LPIN1: variants seen among roughly 807,000 people sequenced by gnomAD.
LPIN1 encodes lipin 1.
A neutral mutation model predicts 107.5 loss-of-function variants in LPIN1; 71 were observed. The observed-to-expected ratio is 0.66, with a 90% CI of 0.55 to 0.80. The LOEUF is 0.80. Among genes scored for constraint, LPIN1 ranks in the 30% least tolerant of loss-of-function variants. The probability of loss-of-function intolerance (pLI) is 0.00; values close to 1 mark genes in which losing one functional copy is unlikely to be tolerated. For missense variants in LPIN1, 1,043 were observed against 1,160.6 expected, an observed-to-expected ratio of 0.90 and a Z score of 1.47; for synonymous variants, 445 against 452.6, an observed-to-expected ratio of 0.98 and a Z score of 0.21.
chr2:11,795,492 G>A lies in LPIN1; in HGVS notation c.1886+5G>A, dbSNP rs201689636. ...GCAGCTCAGCTTGGCCACCAGGTGCGGTAGGAGGCTTCTTGGGATGTTTGC... is the reference window on the plus strand; with the variant it reads ...GCAGCTCAGCTTGGCCACCAGGTGCAGTAGGAGGCTTCTTGGGATGTTTGC... On this transcript the variant is annotated splice_donor_5th_base_variant and intron_variant, in intron 14 of 20. Coordinates refer to ENST00000674199, the MANE Select transcript of LPIN1 (RefSeq NM_001349206.2). 1.5e-5 allele frequency: 25 copies of A among 1,613,714 alleles called. No homozygotes were observed. Among genetic ancestry groups the A allele is most frequent in the East Asian group, 6.7e-5 (3 of 44,872 alleles).
chr2:11,798,895 T>C (rs1677192076), intron 14 of LPIN1, among the ~76,000 whole-genome samples: 1 of 152,166 alleles, frequency 6.6e-6, no homozygotes, highest in African/African-American at 2.4e-5. Flanking sequence ...TAAAATAGCG[T>C]TTGAAAAACG....
intron 1 of LPIN1, among the ~76,000 whole-genome samples, chr2:11,693,800 A>G (rs6741545): frequency 8.6e-3 from 159 of 18,564 alleles, no homozygotes; most frequent in African/African-American, 0.018. Context: ...ATATATATAT[A>G]TATATATATA....
At chr2:11,764,831 T>C (rs1670526048) in intron 1 of LPIN1, among the ~76,000 whole-genome samples, 1 of 152,248 alleles carries the variant, frequency 6.6e-6, no homozygotes, top group Admixed American at 6.5e-5. Context: ...GTGCAAAACC[T>C]GTCCATCATG....
In LPIN1 at chr2:11,746,698, C is replaced by T. The variant is rs1005575623; in HGVS notation, c.-10+27C>T. ...TGAGTAGCCGCCGCCTCCAGCCTCC[C>T]GCTGTGGAGCAGGGGCCGCAGCCTC... On this transcript the variant is annotated intron_variant, in intron 1 of 20. Transcript: ENST00000674199. The T allele has an allele frequency of 9.2e-6, 9 of 980,202 alleles. No individual in the cohort carries two copies. In the African/African-American group the frequency reaches 1.6e-4, roughly 17 times the overall value. The allele number at this position is 980,202 out of a possible 1,614,324, so 60.7% of individuals were successfully genotyped here. A position where few individuals can be genotyped will look rare whatever the true frequency, so the allele number is the denominator to read the frequency against.
intron 1 of LPIN1, chr2:11,683,077 G>A (rs1400339972): frequency 1.3e-5 from 2 of 152,186 alleles, no homozygotes; most frequent in South Asian, 2.1e-4. Flanking sequence ...AGTGTCTAAA[G>A]CAAGGCCTTC....
chr2:11,728,287 G>A (rs886957806), intron 1 of LPIN1, among the ~76,000 whole-genome samples: 6 of 152,162 alleles, frequency 3.9e-5, no homozygotes, highest in African/African-American at 2.4e-5. Context: ...GCTGGGTCTC[G>A]CTTTTTTATC....
chr2:11,781,796 C>T (rs1485391035), intron 7 of LPIN1, among the ~76,000 whole-genome samples: 1 of 152,230 alleles, frequency 6.6e-6, no homozygotes, highest in African/African-American at 2.4e-5. Flanking sequence ...GACCCCTCTG[C>T]TCCCTGCAAG....
At chr2:11,784,439 G>T in intron 9 of LPIN1, 1 of 1,113,742 alleles carries the variant, frequency 9.0e-7, no homozygotes, top group Non-Finnish European at 1.1e-6. Context: ...GCGCAGCACC[G>T]GGCTGCCCTC....
rs1275091794 is a variant in LPIN1 at position 11,786,456 on chromosome 2, G to A, written c.1550-618G>A. 6.6e-6 allele frequency among the ~76,000 whole-genome samples: 1 copy of A among 152,106 alleles called. No individual in the cohort carries two copies. The highest frequency in any genetic ancestry group is 1.5e-5 in the Non-Finnish European group (1 of 68,008). On this transcript the variant is annotated intron_variant, in intron 10 of 20. Coordinates refer to ENST00000674199, the MANE Select transcript of LPIN1 (RefSeq NM_001349206.2). The surrounding 1 kb of genome is among the most constrained non-coding windows in gnomAD (Gnocchi z 4.1). ...CAAAGAACTGAGGGTCCGGGGCTGAGGTCTGGGCCTCCTGACCCTGCCACC... is the reference window on the plus strand; with the variant it reads ...CAAAGAACTGAGGGTCCGGGGCTGAAGTCTGGGCCTCCTGACCCTGCCACC...
In LPIN1 at chr2:11,770,179, C is replaced by T. The variant is rs551055861; in HGVS notation, c.289-1193C>T. On this transcript the variant is annotated intron_variant, in intron 3 of 20. Coordinates refer to ENST00000674199, the MANE Select transcript of LPIN1 (RefSeq NM_001349206.2). Reference sequence around the variant, plus strand: ...TGGCTTTAGATAGATTTTTGGCCATCGGAGCTGAGGAAGCATTTTGGGCCA... The same window carrying T: ...TGGCTTTAGATAGATTTTTGGCCATTGGAGCTGAGGAAGCATTTTGGGCCA... 6.6e-5 allele frequency among the ~76,000 whole-genome samples: 10 copies of T among 152,316 alleles called. No individual in the cohort carries two copies. The South Asian group carries it at 1.9e-3, about 28-fold the overall frequency.
exon 1 of LPIN1, chr2:11,677,698 C>T: frequency 6.5e-7 from 1 of 1,535,764 alleles, no homozygotes; most frequent in South Asian, 1.2e-5. Context: ...CCTCGCAGGG[C>T]AAGAGCTCCC....
chr2:11,744,555 C>G (rs969257583), upstream of LPIN1, among the ~76,000 whole-genome samples: 3 of 152,178 alleles, frequency 2.0e-5, no homozygotes, highest in African/African-American at 4.8e-5. Context: ...CGTGCTGGGC[C>G]CCCCAGCTCA....
intron 18 of LPIN1, chr2:11,818,776 A>G (rs1681024319): frequency 6.6e-6 from 1 of 152,120 alleles, no homozygotes; most frequent in Non-Finnish European, 1.5e-5. Context: ...AGGTTTTTTT[A>G]GTATTCCCTT....
At chr2:11,700,486 T>G (rs1011612829) in intron 1 of LPIN1, among the ~76,000 whole-genome samples, 2 of 152,146 alleles carry the variant, frequency 1.3e-5, no homozygotes, top group African/African-American at 4.8e-5. Context: ...TCTCTCTCTC[T>G]CGCTCTCATT....
chr2:11,706,113 C>T (rs759507100), intron 1 of LPIN1, among the ~76,000 whole-genome samples: 27 of 152,314 alleles, frequency 1.8e-4, no homozygotes, highest in Middle Eastern at 6.8e-3. Flanking sequence ...TGAGGCCTCC[C>T]CAGCCATGTG....
intron 17 of LPIN1, among the ~76,000 whole-genome samples, chr2:11,808,247 G>A (rs1283566462): frequency 6.6e-6 from 1 of 152,114 alleles, no homozygotes; most frequent in Admixed American, 6.5e-5. Flanking sequence ...GTCTGGACAC[G>A]ATGGCAGCCT....
At chr2:11,690,579 G>T (rs62116207) in intron 1 of LPIN1, among the ~76,000 whole-genome samples, 1 of 151,860 alleles carries the variant, frequency 6.6e-6, no homozygotes, top group Non-Finnish European at 1.5e-5. Flanking sequence ...TTTCTGGCAC[G>T]ATTAGACACA....
chr2:11,717,196 G>A (rs940152602), intron 2 of LPIN1, among the ~76,000 whole-genome samples: 6 of 152,172 alleles, frequency 3.9e-5, no homozygotes, highest in East Asian at 1.9e-4. Flanking sequence ...AATGAAGGCC[G>A]CAGTCTCCTG....
Position 11,750,178 on chromosome 2 carries a change from C to T in LPIN1, c.-10+3507C>T, listed in dbSNP as rs1390133123. Among the ~76,000 whole-genome samples the T allele has an allele frequency of 2.0e-5, 3 of 152,290 alleles. No homozygotes were observed. In the South Asian group the frequency reaches 6.2e-4, roughly 32 times the overall value. The stretch of plus-strand genomic sequence containing the variant: ...ACACTCACTTTTTGATGAAGTCGTC[C>T]TCCGCGTTCATGGATCTCACTAGGC... On this transcript the variant is annotated intron_variant, in intron 1 of 20. Transcript: ENST00000674199.
Sources: allele counts gnomAD v4.1 joint callset (sites outside exome capture counted in the v4.1 genomes callset), GRCh38; gene constraint gnomAD v4.1.1; non-coding constraint Gnocchi (gnomAD v3.1); transcripts MANE v1.5; gene names NCBI Gene and HGNC (gene_info 2026-07-23, HGNC 2026-07-21).